The following CDH12 variants were observed in gnomAD, a reference collection of about 807,000 sequenced individuals.
The protein encoded by CDH12 is cadherin 12.
Under a neutral mutation model 74.1 loss-of-function variants are expected in CDH12, and 41 were observed. That is an observed-to-expected ratio of 0.55 (90% CI 0.43 to 0.72). The LOEUF (loss-of-function observed/expected upper bound fraction) is 0.72. CDH12 is among the 30% of genes least tolerant of loss of function. The pLI is 0.00. For synonymous variants in CDH12, 399 were observed against 355.0 expected (o/e 1.12, Z -1.39); for missense variants, 945 against 977.2 (o/e 0.97, Z 0.44).
chr5:22,376,699 T>C (rs1209460653), intron 3 of CDH12, among the ~76,000 whole-genome samples: 2 of 150,040 alleles, frequency 1.3e-5, no homozygotes, highest in African/African-American at 4.9e-5. Flanking sequence ...TTTTTTTTTT[T>C]TTTTTTAGAG....
chr5:22,780,696 G>A (rs1428657489), intron 1 of CDH12, among the ~76,000 whole-genome samples: 1 of 152,092 alleles, frequency 6.6e-6, no homozygotes, highest in Non-Finnish European at 1.5e-5. Flanking sequence ...TGAGAGTTGG[G>A]TGGGAACACA....
chr5:22,799,374 A>G (rs946601650), intron 1 of CDH12, among the ~76,000 whole-genome samples: 21 of 152,210 alleles, frequency 1.4e-4, no homozygotes, highest in African/African-American at 4.3e-4. Context: ...TGAATAGGCT[A>G]GTTCATAGGT....
In CDH12 at chr5:22,825,530, G is replaced by C. The variant is rs1038690051; in HGVS notation, c.-523+27528C>G. ...CACAAAAGCCCTGAATTGGGATTTTGTCTGGTTTGATTAAGAAACAGCAAA... is the reference window on the plus strand; with the variant it reads ...CACAAAAGCCCTGAATTGGGATTTTCTCTGGTTTGATTAAGAAACAGCAAA... On this transcript the variant is annotated intron_variant, in intron 1 of 14. Coordinates refer to ENST00000382254, the MANE Select transcript of CDH12 (RefSeq NM_004061.5). Among the ~76,000 whole-genome samples the C allele has an allele frequency of 5.3e-5, 8 of 152,302 alleles. No individual in the cohort carries two copies. In the East Asian group the frequency reaches 1.5e-3, roughly 29 times the overall value.
intron 3 of CDH12, among the ~76,000 whole-genome samples, chr5:22,401,928 C>T (rs771534915): frequency 5.9e-5 from 9 of 152,102 alleles, no homozygotes; most frequent in Non-Finnish European, 1.0e-4. Flanking sequence ...AGCTAAGCCA[C>T]CAGAAGATAA....
chr5:22,373,258 T>G (rs1036026739), intron 3 of CDH12, among the ~76,000 whole-genome samples: 1 of 152,158 alleles, frequency 6.6e-6, no homozygotes, highest in African/African-American at 2.4e-5. Context: ...ATCCAACAGT[T>G]GGCACCCCCT....
At chr5:22,464,621 T>C (rs1211714598) in intron 2 of CDH12, among the ~76,000 whole-genome samples, 1 of 152,190 alleles carries the variant, frequency 6.6e-6, no homozygotes, top group Non-Finnish European at 1.5e-5. Context: ...CCCCCATTTC[T>C]CTGATGTTTA....
intron 3 of CDH12, among the ~76,000 whole-genome samples, chr5:22,272,053 T>A (rs1736424309): frequency 6.6e-6 from 1 of 152,182 alleles, no homozygotes; most frequent in Non-Finnish European, 1.5e-5. Flanking sequence ...TCTATGTAGT[T>A]AAAAAAGTTG....
At chr5:22,619,120 C>T (rs1051320990) in intron 1 of CDH12, among the ~76,000 whole-genome samples, 1 of 151,966 alleles carries the variant, frequency 6.6e-6, no homozygotes, top group African/African-American at 2.4e-5. Flanking sequence ...TTGTGTGAGC[C>T]CCATTTCTAA....
intron 3 of CDH12, among the ~76,000 whole-genome samples, chr5:22,235,854 C>G (rs1015878489): frequency 6.6e-6 from 1 of 152,124 alleles, no homozygotes; most frequent in African/African-American, 2.4e-5. Context: ...ATTGGGTGAA[C>G]ATCACAGTGT....
At chr5:22,648,907 A>G (rs905590434) in intron 1 of CDH12, among the ~76,000 whole-genome samples, 2 of 151,968 alleles carry the variant, frequency 1.3e-5, no homozygotes, top group African/African-American at 4.8e-5. Context: ...CAAAATATCT[A>G]CTGTGAACAG....
intron 6 of CDH12, among the ~76,000 whole-genome samples, chr5:21,965,617 A>G (rs61109916): frequency 0.3 from 44,607 of 150,844 alleles, 10,781 homozygotes; most frequent in African/African-American, 0.67. Flanking sequence ...TTAATTTTCA[A>G]GTGTCAGTTT....
chr5:22,417,385 G>T (rs1298807614), intron 2 of CDH12, among the ~76,000 whole-genome samples: 2 of 152,150 alleles, frequency 1.3e-5, no homozygotes, highest in African/African-American at 4.8e-5. Flanking sequence ...GATAAGTTCA[G>T]GAGTGAGTTG....
chr5:22,702,282 C>G (rs902160586), intron 1 of CDH12, among the ~76,000 whole-genome samples: 1 of 152,122 alleles, frequency 6.6e-6, no homozygotes, highest in Non-Finnish European at 1.5e-5. Context: ...CCTAGACCCA[C>G]TAACAATGGT....
At chr5:22,328,092 A>T (rs1739198342) in intron 3 of CDH12, among the ~76,000 whole-genome samples, 1 of 152,126 alleles carries the variant, frequency 6.6e-6, no homozygotes, top group Admixed American at 6.5e-5. Flanking sequence ...AAGAGAAAAA[A>T]CTTCACTAGA....
intron 1 of CDH12, among the ~76,000 whole-genome samples, chr5:22,697,704 C>T (rs1031055247): frequency 6.6e-6 from 1 of 152,030 alleles, no homozygotes; most frequent in African/African-American, 2.4e-5. Flanking sequence ...TAAATTGTGT[C>T]CCCTTAAAAT....
chr5:21,974,540 A>C (rs1756980973), intron 6 of CDH12, among the ~76,000 whole-genome samples: 1 of 152,104 alleles, frequency 6.6e-6, no homozygotes, highest in Non-Finnish European at 1.5e-5. Context: ...TAATGTTTTC[A>C]TGACATTATT....
chr5:21,887,127 T>G (rs1317688837), intron 6 of CDH12, among the ~76,000 whole-genome samples: 1 of 152,156 alleles, frequency 6.6e-6, no homozygotes, highest in African/African-American at 2.4e-5. Flanking sequence ...ATTTCTGAGC[T>G]TGACAGTATC....
At position 22,106,226 on chromosome 5, in the gene CDH12, T is replaced by C. The variant is rs1744433061; in HGVS notation, c.-186-27364A>G. Reference sequence around the variant, plus strand: ...TGAAATAATGTATACAACAACCCGGTGACATGAGTTTACCTATGTAACAAA... The same window carrying C: ...TGAAATAATGTATACAACAACCCGGCGACATGAGTTTACCTATGTAACAAA... On this transcript the variant is annotated intron_variant, in intron 4 of 14. Coordinates refer to ENST00000382254, the MANE Select transcript of CDH12 (RefSeq NM_004061.5). Among the ~76,000 whole-genome samples the C allele has an allele frequency of 2.6e-5, 4 of 152,150 alleles. No homozygotes were observed. The South Asian group carries it at 8.3e-4, about 32-fold the overall frequency.
chr5:22,568,826 G>A (rs768672518), intron 1 of CDH12, among the ~76,000 whole-genome samples: 5 of 152,024 alleles, frequency 3.3e-5, no homozygotes, highest in African/African-American at 4.8e-5. Flanking sequence ...ATAGTATGAT[G>A]ACTAAAAAAA....
Sources: allele counts gnomAD v4.1 joint callset (sites outside exome capture counted in the v4.1 genomes callset), GRCh38; gene constraint gnomAD v4.1.1; transcripts MANE v1.5; gene names NCBI Gene and HGNC (gene_info 2026-07-23, HGNC 2026-07-21).